Variants in ARHGAP22 observed in about 807,000 individuals in gnomAD.
ARHGAP22 encodes Rho GTPase activating protein 22.
In ARHGAP22, 48 loss-of-function variants were observed where a neutral mutation model predicts 59.1. That is an observed-to-expected ratio of 0.81 (90% confidence interval 0.64 to 1.03). The LOEUF is 1.03. Ranked by LOEUF, ARHGAP22 falls within the 50% of genes least tolerant of loss-of-function variation. The probability of loss-of-function intolerance (pLI) is 0.00; values close to 1 mark genes in which losing one functional copy is unlikely to be tolerated. For missense variants in ARHGAP22, 1,015 were observed against 958.7 expected, an observed-to-expected ratio of 1.06 and a Z score of -0.78; for synonymous variants, 445 against 416.4, an observed-to-expected ratio of 1.07 and a Z score of -0.84.
In ARHGAP22 at chr10:48,457,268, C is replaced by T. The variant is rs188305643; in HGVS notation, c.660-2134G>A. ...CTCCCCTAGAGTCCGTTTCTCATCA[C>T]CCATCCCCACTTCCTCGACCTGCCC... On this transcript the variant is annotated intron_variant, in intron 5 of 9. Transcript: ENST00000249601. 8.8e-4 allele frequency among the ~76,000 whole-genome samples: 134 copies of T among 152,286 alleles called. 3 individuals carry two copies. The East Asian group carries it at 0.022, about 25-fold the overall frequency.
intron 1 of ARHGAP22, among the ~76,000 whole-genome samples, chr10:48,633,265 C>T (rs975884659): frequency 6.6e-6 from 1 of 152,204 alleles, no homozygotes; most frequent in Non-Finnish European, 1.5e-5. Context: ...AGACAATCTA[C>T]CTTCCTCTGA....
intron 1 of ARHGAP22, among the ~76,000 whole-genome samples, chr10:48,630,962 G>C (rs1285407902): frequency 6.6e-6 from 1 of 152,162 alleles, no homozygotes; most frequent in Admixed American, 6.5e-5. Flanking sequence ...TCTAATTCTA[G>C]TTTGCTAAAA....
chr10:48,528,254 A>G (rs1239329125), intron 3 of ARHGAP22, among the ~76,000 whole-genome samples: 2 of 152,108 alleles, frequency 1.3e-5, no homozygotes, highest in Non-Finnish European at 2.9e-5. Context: ...TCCCCAGAAT[A>G]TCCAAGGCAC....
At chr10:48,610,139 T>C (rs975472988) in intron 1 of ARHGAP22, among the ~76,000 whole-genome samples, 1 of 152,210 alleles carries the variant, frequency 6.6e-6, no homozygotes, top group Admixed American at 6.5e-5. Flanking sequence ...CTCTGTCCCC[T>C]TGCCTTGGCT....
chr10:48,515,011 C>T (rs1022122049), intron 3 of ARHGAP22, among the ~76,000 whole-genome samples: 2 of 151,988 alleles, frequency 1.3e-5, no homozygotes, highest in Non-Finnish European at 2.9e-5. Flanking sequence ...AAAAAGAAAG[C>T]AGTAATGGAG....
chr10:48,643,348 C>T (rs1394623058), intron 1 of ARHGAP22, among the ~76,000 whole-genome samples: 1 of 152,052 alleles, frequency 6.6e-6, no homozygotes, highest in Non-Finnish European at 1.5e-5. Flanking sequence ...GACTTGGAAC[C>T]AACCCAAATG....
At chr10:48,561,857 G>A (rs757999623) in intron 2 of ARHGAP22, among the ~76,000 whole-genome samples, 3 of 152,174 alleles carry the variant, frequency 2.0e-5, no homozygotes, top group Non-Finnish European at 4.4e-5. Flanking sequence ...GCAGAGGACC[G>A]AGAATTCTTA....
At chr10:48,612,040 C>A (rs1311779163) in intron 1 of ARHGAP22, among the ~76,000 whole-genome samples, 2 of 151,598 alleles carry the variant, frequency 1.3e-5, no homozygotes, top group African/African-American at 4.9e-5. Context: ...CCAGGCTGGT[C>A]TTGAACTCCT....
intron 3 of ARHGAP22, among the ~76,000 whole-genome samples, chr10:48,502,584 AAGC>A (rs2051638457): frequency 6.6e-6 from 1 of 152,120 alleles, no homozygotes; most frequent in South Asian, 2.1e-4. Context: ...TATTGCCAGG[AAGC>A]ACCACATTCT....
intron 3 of ARHGAP22, among the ~76,000 whole-genome samples, chr10:48,532,320 C>T (rs746933545): frequency 3.3e-5 from 5 of 152,062 alleles, no homozygotes; most frequent in African/African-American, 4.8e-5. Context: ...TCTGGGCCTG[C>T]GTCCCTGCCC....
chr10:48,655,066 C>CT (rs2062743600), upstream of ARHGAP22, among the ~76,000 whole-genome samples: 12 of 15,332 alleles, frequency 7.8e-4, 3 homozygotes, highest in African/African-American at 1.7e-3. Flanking sequence ...CCTTCCTTCC[C>CT]TCCTTCTCTT....
the ARHGAP22 span, chr10:48,434,899 A>G: frequency 6.8e-6 from 11 of 1,613,500 alleles, no homozygotes; most frequent in East Asian, 1.3e-4. Context: ...GCAGTGATCA[A>G]TGGCTCTCAG....
chr10:48,528,799 TCTC>T (rs1275734306), intron 3 of ARHGAP22, among the ~76,000 whole-genome samples: 4 of 151,906 alleles, frequency 2.6e-5, no homozygotes, highest in Non-Finnish European at 5.9e-5. Context: ...GAGTATGAGA[TCTC>T]CTCCTTTTTC....
intron 2 of ARHGAP22, among the ~76,000 whole-genome samples, chr10:48,564,428 C>G (rs1266542523): frequency 6.6e-6 from 1 of 152,194 alleles, no homozygotes; most frequent in African/African-American, 2.4e-5. Context: ...CTCCCCAGAG[C>G]CCACAAGTTA....
chr10:48,585,158 A>T (rs1406498693), intron 1 of ARHGAP22, among the ~76,000 whole-genome samples: 1 of 152,206 alleles, frequency 6.6e-6, no homozygotes, highest in African/African-American at 2.4e-5. Context: ...CAATGTGTCT[A>T]GACTTGCTGG....
At chr10:48,587,473 C>T (rs1367931164) in intron 1 of ARHGAP22, among the ~76,000 whole-genome samples, 1 of 152,196 alleles carries the variant, frequency 6.6e-6, no homozygotes, top group East Asian at 1.9e-4. Flanking sequence ...TCACCAGTGC[C>T]TGGGCTTTTT....
intron 2 of ARHGAP22, among the ~76,000 whole-genome samples, chr10:48,582,346 G>T (rs1179832391): frequency 6.6e-6 from 1 of 152,218 alleles, no homozygotes; most frequent in Non-Finnish European, 1.5e-5. Flanking sequence ...CAGGTGTCTT[G>T]GATGGCAGCA....
chr10:48,641,301 C>T (rs187692302), intron 1 of ARHGAP22, among the ~76,000 whole-genome samples: 1 of 152,100 alleles, frequency 6.6e-6, no homozygotes, highest in Non-Finnish European at 1.5e-5. Context: ...TACAAAGACT[C>T]TCCATAAAAT....
intron 1 of ARHGAP22, chr10:48,652,217 C>A: frequency 2.6e-6 from 4 of 1,532,832 alleles, no homozygotes; most frequent in Non-Finnish European, 3.5e-6. Context: ...CCACATAGAA[C>A]ATAAAAAAAT....
Sources: gnomAD v4.1 joint callset for allele counts (sites outside exome capture counted in the v4.1 genomes callset) on GRCh38, gnomAD v4.1.1 for gene constraint, MANE v1.5 for transcripts, NCBI Gene and HGNC (gene_info 2026-07-23, HGNC 2026-07-21) for gene names.